The following TMPRSS15 variants were observed in gnomAD, a reference collection of about 807,000 sequenced individuals.
TMPRSS15 encodes the protein enteropeptidase.
TMPRSS15 carries 128 observed loss-of-function variants against 125.3 expected under a neutral mutation model. The observed-to-expected ratio is 1.02, with a 90% CI of 0.89 to 1.18. The LOEUF is 1.18. Ranked by LOEUF, TMPRSS15 falls within the 50% of genes most tolerant of loss-of-function variation. The probability of loss-of-function intolerance (pLI) is 0.00; values close to 1 mark genes in which losing one functional copy is unlikely to be tolerated. For missense variants in TMPRSS15, 1,283 were observed against 1,212.7 expected (o/e 1.06, Z -0.86); for synonymous variants, 446 against 423.2 (o/e 1.05, Z -0.66).
At chr21:18,422,865 G>A (rs886663955) in intron 1 of TMPRSS15, among the ~76,000 whole-genome samples, 4 of 152,196 alleles carry the variant, frequency 2.6e-5, no homozygotes, top group African/African-American at 9.7e-5. Context: ...GGGTTAGCAG[G>A]TGGATGGGAA....
chr21:18,442,723 T>C (rs2076245214), intron 1 of TMPRSS15, among the ~76,000 whole-genome samples: 1 of 152,236 alleles, frequency 6.6e-6, no homozygotes, highest in African/African-American at 2.4e-5. Flanking sequence ...GTTATACAGA[T>C]ATTCCATGGT....
At position 18,433,391 on chromosome 21, in the gene TMPRSS15, C is replaced by T. The variant is rs560765265; in HGVS notation, c.11-35062G>A. 1.3e-4 allele frequency among the ~76,000 whole-genome samples: 20 copies of T among 152,086 alleles called. No homozygotes were observed. In the South Asian group the frequency reaches 4.2e-3, roughly 32 times the overall value. On this transcript the variant is annotated intron_variant, in intron 1 of 7. Coordinates refer to the TMPRSS15 transcript ENST00000422787. ...TTTCTGGAACTTCTGCCTCATTTAT[C>T]TTAAAAATAACAGAGTTTAGGCCTG...
Position 18,282,930 on chromosome 21 carries a change from T to G in TMPRSS15, c.2487-1709A>C, listed in dbSNP as rs9976109. 9.8e-3 allele frequency among the ~76,000 whole-genome samples: 1,495 copies of G among 152,210 alleles called. 26 individuals carry two copies. Among genetic ancestry groups the G allele is most frequent in the African/African-American group, 0.033 (1,373 of 41,530 alleles). ...AGATGTGGGGGGCAAGAGGGAGAGA[T>G]AAGCTCTGCTGTTGCTTTCCCTGCT... is the stretch of plus-strand genomic sequence containing the variant. On this transcript the variant is annotated intron_variant, in intron 21 of 24. Transcript: ENST00000284885.
chr21:18,416,875 C>T (rs185789401), intron 1 of TMPRSS15, among the ~76,000 whole-genome samples: 20 of 152,062 alleles, frequency 1.3e-4, no homozygotes, highest in African/African-American at 2.6e-4. Flanking sequence ...TTTGTATTAA[C>T]GAGATTACAA....
intron 1 of TMPRSS15, among the ~76,000 whole-genome samples, chr21:18,469,512 T>G (rs887273753): frequency 6.6e-6 from 1 of 152,176 alleles, no homozygotes; most frequent in Non-Finnish European, 1.5e-5. Flanking sequence ...CTAGAAGCTT[T>G]GTAGTAAATC....
intron 18 of TMPRSS15, among the ~76,000 whole-genome samples, chr21:18,308,451 AT>A (rs943136399): frequency 3.3e-5 from 5 of 152,012 alleles, no homozygotes; most frequent in African/African-American, 9.7e-5. Context: ...AACCAAATCG[AT>A]TTTTTTAACA....
At chr21:18,468,070 A>C (rs1360321307) in intron 1 of TMPRSS15, among the ~76,000 whole-genome samples, 2 of 152,126 alleles carry the variant, frequency 1.3e-5, no homozygotes, top group Admixed American at 6.6e-5. Context: ...AAATTATAGG[A>C]TATATAGTTG....
Position 18,401,019 on chromosome 21 carries a change from C to A in TMPRSS15, c.145+2459G>T, listed in dbSNP as rs139439015. 4.0e-4 allele frequency among the ~76,000 whole-genome samples: 61 copies of A among 152,196 alleles called. No homozygotes were observed. The East Asian group carries it at 0.012, about 29-fold the overall frequency. On this transcript the variant is annotated intron_variant, in intron 1 of 24. Coordinates refer to ENST00000284885, the MANE Select transcript of TMPRSS15 (RefSeq NM_002772.3). ...ATCACCAGAGAAATGTAAATCAAAA[C>A]CACAATGAGATACCATCTCATGCTG... is the stretch of plus-strand genomic sequence containing the variant.
At chr21:18,462,150 C>T (rs1470695207) in intron 1 of TMPRSS15, among the ~76,000 whole-genome samples, 1 of 152,056 alleles carries the variant, frequency 6.6e-6, no homozygotes, top group South Asian at 2.1e-4. Context: ...TGAGAAGAGA[C>T]AAACTCTTAG....
intron 21 of TMPRSS15, among the ~76,000 whole-genome samples, chr21:18,285,831 T>C (rs2074756164): frequency 6.6e-6 from 1 of 152,130 alleles, no homozygotes; most frequent in Non-Finnish European, 1.5e-5. Flanking sequence ...AGAGAAAAGT[T>C]AACAGGTGCA....
At chr21:18,356,327 G>A (rs996069415) in intron 8 of TMPRSS15, among the ~76,000 whole-genome samples, 3 of 151,718 alleles carry the variant, frequency 2.0e-5, no homozygotes, top group Non-Finnish European at 4.4e-5. Context: ...TTATAAGAGT[G>A]AAAATGCGGC....
intron 3 of TMPRSS15, among the ~76,000 whole-genome samples, chr21:18,394,646 T>C (rs1011390118): frequency 6.6e-6 from 1 of 151,484 alleles, no homozygotes; most frequent in East Asian, 1.9e-4. Flanking sequence ...ACAGAGATAC[T>C]GTAGACTCTA....
At chr21:18,387,777 C>CGT (rs2075958343) in intron 3 of TMPRSS15, among the ~76,000 whole-genome samples, 2 of 151,918 alleles carry the variant, frequency 1.3e-5, no homozygotes, top group East Asian at 3.9e-4. Flanking sequence ...ATCATATACA[C>CGT]ATACATGGTG....
intron 3 of TMPRSS15, among the ~76,000 whole-genome samples, chr21:18,389,304 A>C (rs1239218300): frequency 6.6e-6 from 1 of 152,034 alleles, no homozygotes; most frequent in African/African-American, 2.4e-5. Flanking sequence ...TTTTTGCATA[A>C]AAAGATAAAG....
At chr21:18,359,726 C>A (rs1467203525) in intron 8 of TMPRSS15, 31 bp downstream of exon 8, 1 of 1,068,678 alleles carries the variant, frequency 9.4e-7, no homozygotes, top group East Asian at 2.4e-5. Flanking sequence ...TTTTCATTTT[C>A]ATAAGTAATT....
upstream of TMPRSS15, among the ~76,000 whole-genome samples, chr21:18,407,251 A>G (rs993946645): frequency 1.3e-5 from 2 of 152,144 alleles, no homozygotes; most frequent in Non-Finnish European, 2.9e-5. Flanking sequence ...TTAATGAACC[A>G]CATAAACTTT....
At chr21:18,456,573 A>G (rs1978445631) in intron 1 of TMPRSS15, among the ~76,000 whole-genome samples, 1 of 152,084 alleles carries the variant, frequency 6.6e-6, no homozygotes. Context: ...TACTTAAACC[A>G]CTAAATTAAG....
intron 8 of TMPRSS15, among the ~76,000 whole-genome samples, chr21:18,356,434 T>A (rs962019138): frequency 6.6e-6 from 1 of 151,732 alleles, no homozygotes; most frequent in Non-Finnish European, 1.5e-5. Context: ...CAAGTGCTGA[T>A]GACATAGAAA....
chr21:18,375,145 A>C (rs1302955262), intron 5 of TMPRSS15, among the ~76,000 whole-genome samples: 1 of 152,212 alleles, frequency 6.6e-6, no homozygotes, highest in Non-Finnish European at 1.5e-5. Context: ...AGGAAACAGA[A>C]GTTTTCTGTA....
Sources: allele counts gnomAD v4.1 joint callset (sites outside exome capture counted in the v4.1 genomes callset), GRCh38; gene constraint gnomAD v4.1.1; transcripts MANE v1.5; gene names NCBI Gene and HGNC (gene_info 2026-07-23, HGNC 2026-07-21).